NAPEPLD: variants seen among roughly 807,000 people sequenced by gnomAD.
NAPEPLD encodes N-acyl-phosphatidylethanolamine-hydrolyzing phospholipase D.
A neutral mutation model predicts 38.1 loss-of-function variants in NAPEPLD; 23 were observed. That is an observed-to-expected ratio of 0.60 (90% CI 0.43 to 0.86). The LOEUF (loss-of-function observed/expected upper bound fraction) is 0.86, where lower values mean the gene tolerates loss of function less well. NAPEPLD is among the 40% of genes least tolerant of loss of function. The probability of loss-of-function intolerance (pLI) is 0.00; values close to 1 mark genes in which losing one functional copy is unlikely to be tolerated. For synonymous variants in NAPEPLD, 147 were observed against 162.0 expected, an observed-to-expected ratio of 0.91 and a Z score of 0.71; for missense variants, 411 against 476.8, an observed-to-expected ratio of 0.86 and a Z score of 1.28.
At position 103,128,528 on chromosome 7, in the gene NAPEPLD, C is replaced by T. The variant is rs1469634083; in HGVS notation, c.249G>A (p.Trp83Ter). Residue 83 changes from tryptophan (W) to a stop codon, truncating the protein, a stop_gained, in exon 2 of 5, where the codon TGG becomes TGA. Transcript: ENST00000465647. LOFTEE classifies it high-confidence loss of function. The part of the protein sequence containing the change: ...KNPSIPNVLR[W>*]LIMEKDHSSV... ...TGCTGTGATCTTTCTCCATTATCAG[C>T]CATCTGAGAACATTTGGAATAGAGG... is the stretch of plus-strand genomic sequence containing the variant. 6.2e-7 allele frequency: 1 copy of T among 1,614,232 alleles called. No homozygotes were observed. Among genetic ancestry groups the T allele is most frequent in the South Asian group, 1.1e-5 (1 of 91,088 alleles).
chr7:103,140,268 A>G (rs1316487230), intron 1 of NAPEPLD, among the ~76,000 whole-genome samples: 2 of 152,100 alleles, frequency 1.3e-5, no homozygotes, highest in Non-Finnish European at 2.9e-5. Context: ...GCATTTCTAC[A>G]CTAATGTGAT....
At chr7:103,147,145 G>T (rs1812732685) in intron 1 of NAPEPLD, among the ~76,000 whole-genome samples, 1 of 152,118 alleles carries the variant, frequency 6.6e-6, no homozygotes, top group African/African-American at 2.4e-5. Flanking sequence ...GACAAATCAA[G>T]CAAAGCACTA....
In NAPEPLD at chr7:103,101,573, T is replaced by C. The variant is rs759781535; in HGVS notation, c.*1856A>G. ...CTGTCTATATTAGGCAGTGATATCT[T>C]AAGAAATCATTTTCTCCCTTATATT... On this transcript the variant is annotated 3_prime_UTR_variant, in exon 5 of 5. Coordinates refer to ENST00000465647, the MANE Select transcript of NAPEPLD (RefSeq NM_001122838.3). The C allele has an allele frequency of 3.9e-5, 6 of 152,660 alleles. No individual in the cohort carries two copies. The highest frequency in any genetic ancestry group is 8.8e-5 in the Non-Finnish European group (6 of 68,050). The allele number at this position is 152,660 out of a possible 1,614,324, so 9.5% of individuals were successfully genotyped here. A position where few individuals can be genotyped will look rare whatever the true frequency, so the allele number is the denominator to read the frequency against.
At chr7:103,143,392 ATCTTC>A (rs1260378427) in intron 1 of NAPEPLD, among the ~76,000 whole-genome samples, 1 of 151,964 alleles carries the variant, frequency 6.6e-6, no homozygotes, top group East Asian at 1.9e-4. Context: ...AAAAAAAAAA[ATCTTC>A]TCTTCCTTTT....
intron 1 of NAPEPLD, among the ~76,000 whole-genome samples, chr7:103,147,016 CAGA>C (rs1371775984): frequency 4.8e-4 from 73 of 152,286 alleles, no homozygotes; most frequent in Admixed American, 2.5e-3. Context: ...GCTGAGGTTG[CAGA>C]AGACTATCTC....
In NAPEPLD at chr7:103,100,637, G is replaced by C. The variant is rs1802267689; in HGVS notation, c.*2792C>G. ...CAATAAAATCTTACATATTGCTATGGGTATTCACGAAGAGGAAAATGAAGT... is the reference window on the plus strand; with the variant it reads ...CAATAAAATCTTACATATTGCTATGCGTATTCACGAAGAGGAAAATGAAGT... On this transcript the variant is annotated 3_prime_UTR_variant, in exon 5 of 5. Coordinates refer to ENST00000465647, the MANE Select transcript of NAPEPLD (RefSeq NM_001122838.3). 1 of 152,118 alleles carries C rather than the reference G, an allele frequency of 6.6e-6. No individual in the cohort carries two copies. Among genetic ancestry groups the C allele is most frequent in the Non-Finnish European group, 1.5e-5 (1 of 68,038 alleles). 9.4% of individuals were successfully genotyped at this position (152,118 alleles called of 1,614,324 possible). A position where few individuals can be genotyped will look rare whatever the true frequency, so the allele number is the denominator to read the frequency against.
chr7:103,111,540 G>C (rs1013946905), intron 4 of NAPEPLD, among the ~76,000 whole-genome samples: 3 of 152,172 alleles, frequency 2.0e-5, no homozygotes, highest in African/African-American at 7.2e-5. Context: ...ATGGTGTTCA[G>C]AAAACTGGCT....
chr7:103,119,949 T>C lies in NAPEPLD; in HGVS notation c.569A>G (p.His190Arg). Residue 190 changes from histidine (H) to arginine (R), a missense_variant, in exon 3 of 5, where the codon CAT (histidine) becomes CGT (arginine). Transcript: ENST00000465647. ...AVLISHNHYDHLDYNSVIALN... is the reference protein window; with the variant it reads ...AVLISHNHYDRLDYNSVIALN... ...AGCAATGACAGAATTGTAGTCCAGA[T>C]GGTCATAGTGGTTGTGACTGATAAG... 6.2e-7 allele frequency: 1 copy of C among 1,614,234 alleles called. No individual in the cohort carries two copies. Among genetic ancestry groups the C allele is most frequent in the Non-Finnish European group, 8.5e-7 (1 of 1,180,050 alleles).
chr7:103,144,640 T>C (rs1209687633), intron 1 of NAPEPLD, among the ~76,000 whole-genome samples: 3 of 151,680 alleles, frequency 2.0e-5, no homozygotes, highest in South Asian at 2.1e-4. Flanking sequence ...TCAAGTCCCA[T>C]AAAGAGAAAC....
chr7:103,122,135 TTTA>T, intron 2 of NAPEPLD, among the ~76,000 whole-genome samples: 1 of 151,540 alleles, frequency 6.6e-6, no homozygotes, highest in Admixed American at 6.6e-5. Flanking sequence ...CAGGGTGGGT[TTTA>T]CCATGTTGCC....
rs558815310 is a variant in NAPEPLD, at chr7:103,119,158, T to C, written c.941+419A>G. Among the ~76,000 whole-genome samples, 22 of 152,338 alleles carry C rather than the reference T, an allele frequency of 1.4e-4. 1 individual carries two copies. The South Asian group carries it at 4.1e-3, about 29-fold the overall frequency. ...TGGTATGTGAACTTCTGGCTAGGTATAGTAATTCTTTAAACCTTGATCCCT... is the reference window on the plus strand; with the variant it reads ...TGGTATGTGAACTTCTGGCTAGGTACAGTAATTCTTTAAACCTTGATCCCT... On this transcript the variant is annotated intron_variant, in intron 3 of 4. Coordinates refer to ENST00000465647, the MANE Select transcript of NAPEPLD (RefSeq NM_001122838.3).
intron 4 of NAPEPLD, among the ~76,000 whole-genome samples, chr7:103,105,394 A>C (rs1803106233): frequency 6.6e-6 from 1 of 152,204 alleles, no homozygotes; most frequent in Non-Finnish European, 1.5e-5. Flanking sequence ...GAATATATTC[A>C]AAGTAAAGAC....
At chr7:103,125,506 A>G (rs1271219288) in intron 2 of NAPEPLD, among the ~76,000 whole-genome samples, 4 of 152,208 alleles carry the variant, frequency 2.6e-5, no homozygotes, top group Non-Finnish European at 5.9e-5. Flanking sequence ...CAGAGTATTC[A>G]TATTTTCTAG....
chr7:103,110,902 G>GT (rs1364157266), intron 4 of NAPEPLD, among the ~76,000 whole-genome samples: 2 of 22,726 alleles, frequency 8.8e-5, no homozygotes, highest in African/African-American at 9.6e-5. Context: ...AAAAATCAAT[G>GT]TATCACAGCA....
intron 1 of NAPEPLD, among the ~76,000 whole-genome samples, chr7:103,138,896 C>G (rs1042709719): frequency 6.6e-6 from 1 of 152,184 alleles, no homozygotes; most frequent in Non-Finnish European, 1.5e-5. Context: ...TCGGCTGCAC[C>G]AAAGAGCCAG....
intron 1 of NAPEPLD, among the ~76,000 whole-genome samples, chr7:103,130,425 C>A (rs928303211): frequency 5.9e-5 from 9 of 152,168 alleles, no homozygotes; most frequent in African/African-American, 2.2e-4. Flanking sequence ...ATACTTTGGG[C>A]AAATAGCCTA....
chr7:103,126,523 C>A (rs1348311952), intron 2 of NAPEPLD, among the ~76,000 whole-genome samples: 2 of 152,146 alleles, frequency 1.3e-5, no homozygotes, highest in Non-Finnish European at 2.9e-5. Context: ...CACAACTGTT[C>A]ATAAGGCACC....
At chr7:103,140,609 G>A (rs980722722) in intron 1 of NAPEPLD, among the ~76,000 whole-genome samples, 5 of 151,860 alleles carry the variant, frequency 3.3e-5, no homozygotes, top group Admixed American at 1.3e-4. Flanking sequence ...TAGCCAGGAC[G>A]GTCTCAATCT....
upstream of NAPEPLD, chr7:103,149,261 G>T (rs1270932811): frequency 1.0e-6 from 1 of 1,000,218 alleles, no homozygotes; most frequent in Non-Finnish European, 1.2e-6. Flanking sequence ...GGGTGCGAGC[G>T]CGGGGGTGCG....
Sources: gnomAD v4.1 joint callset for allele counts (sites outside exome capture counted in the v4.1 genomes callset) on GRCh38, gnomAD v4.1.1 for gene constraint, MANE v1.5 for transcripts, NCBI Gene and HGNC (gene_info 2026-07-23, HGNC 2026-07-21) for gene names.